The following STXBP4 variants were observed in gnomAD, a reference collection of about 807,000 sequenced individuals.
STXBP4 encodes syntaxin-binding protein 4.
STXBP4 carries 55 observed loss-of-function variants against 76.1 expected under a neutral mutation model. The ratio of observed to expected loss-of-function variants is 0.72; its 90% CI spans 0.58 to 0.91. STXBP4 has a LOEUF of 0.91. Ranked by LOEUF, STXBP4 falls within the 40% of genes least tolerant of loss-of-function variation. The pLI is 0.00. For missense variants in STXBP4, 618 were observed against 636.9 expected (o/e 0.97, Z 0.32); for synonymous variants, 201 against 220.2 (o/e 0.91, Z 0.77).
intron 11 of STXBP4, chr17:55,043,943 G>T: frequency 3.7e-6 from 1 of 270,898 alleles, no homozygotes; most frequent in Non-Finnish European, 6.9e-6. Context: ...CAACCTCCTG[G>T]GTTCAAGTGA....
At chr17:55,107,734 G>A (rs767635014) in intron 16 of STXBP4, among the ~76,000 whole-genome samples, 1 of 152,196 alleles carries the variant, frequency 6.6e-6, no homozygotes, top group African/African-American at 2.4e-5. Flanking sequence ...ATTTGCCTGG[G>A]TATCACCAGC....
chr17:55,052,527 T>A (rs1248610283), intron 12 of STXBP4, among the ~76,000 whole-genome samples: 1 of 152,116 alleles, frequency 6.6e-6, no homozygotes, highest in Non-Finnish European at 1.5e-5. Flanking sequence ...TATATCTATT[T>A]TAATAAAGAC....
intron 16 of STXBP4, among the ~76,000 whole-genome samples, chr17:55,122,430 AG>A (rs1401663389): frequency 1.3e-5 from 2 of 152,258 alleles, no homozygotes; most frequent in African/African-American, 2.4e-5. Flanking sequence ...GAAGCTCACA[AG>A]GCAGATGAAA....
At chr17:55,152,092 G>A (rs1287545431) in intron 17 of STXBP4, among the ~76,000 whole-genome samples, 3 of 152,154 alleles carry the variant, frequency 2.0e-5, no homozygotes, top group African/African-American at 7.2e-5. Context: ...CAAGTCGGAA[G>A]ATTGTTTTGT....
At chr17:55,154,429 A>C (rs2080254487) in intron 17 of STXBP4, among the ~76,000 whole-genome samples, 1 of 152,184 alleles carries the variant, frequency 6.6e-6, no homozygotes, top group Non-Finnish European at 1.5e-5. Context: ...GTATATGAAA[A>C]AGTACAAATA....
intron 17 of STXBP4, among the ~76,000 whole-genome samples, chr17:55,150,354 A>G (rs780382372): frequency 1.3e-5 from 2 of 152,154 alleles, no homozygotes; most frequent in Non-Finnish European, 2.9e-5. Flanking sequence ...CTCTTTGTAC[A>G]CAGAGAGAGA....
intron 8 of STXBP4, among the ~76,000 whole-genome samples, chr17:55,015,306 C>T (rs2078186209): frequency 1.3e-5 from 2 of 152,104 alleles, no homozygotes; most frequent in South Asian, 4.1e-4. Context: ...ATTCTGTGTC[C>T]CAATGAGGGT....
chr17:55,027,263 C>T (rs1356935147), intron 8 of STXBP4, among the ~76,000 whole-genome samples: 2 of 152,142 alleles, frequency 1.3e-5, no homozygotes, highest in Non-Finnish European at 2.9e-5. Context: ...CTGACTTTGC[C>T]CCTCCACCCA....
intron 16 of STXBP4, among the ~76,000 whole-genome samples, chr17:55,123,134 G>C (rs867160502): frequency 1.6e-4 from 24 of 152,100 alleles, no homozygotes; most frequent in Admixed American, 3.3e-4. Flanking sequence ...GATTTGCCCA[G>C]AGAACCCCAA....
chr17:55,024,487 G>A (rs1244334104), intron 8 of STXBP4, among the ~76,000 whole-genome samples: 1 of 152,210 alleles, frequency 6.6e-6, no homozygotes. Context: ...TGGAGGCTTT[G>A]ACAGCTGGGG....
At chr17:55,033,861 A>G (rs1260056194) in intron 9 of STXBP4, among the ~76,000 whole-genome samples, 3 of 152,196 alleles carry the variant, frequency 2.0e-5, no homozygotes, top group African/African-American at 7.2e-5. Context: ...ATAAATCATA[A>G]TATTGTCAAA....
chr17:55,148,010 T>G (rs2080175829), intron 17 of STXBP4, among the ~76,000 whole-genome samples: 1 of 152,156 alleles, frequency 6.6e-6, no homozygotes, highest in Non-Finnish European at 1.5e-5. Flanking sequence ...ATGCAACTAT[T>G]AGGTTGGAAT....
intron 1 of STXBP4, among the ~76,000 whole-genome samples, chr17:54,984,508 AT>A (rs2077598146): frequency 1.3e-5 from 2 of 150,850 alleles, no homozygotes; most frequent in African/African-American, 4.9e-5. Context: ...CGCCCGGCTA[AT>A]TTTTTTTGTA....
intron 16 of STXBP4, among the ~76,000 whole-genome samples, chr17:55,094,631 CA>C (rs1233175458): frequency 6.6e-6 from 1 of 152,194 alleles, no homozygotes; most frequent in African/African-American, 2.4e-5. Flanking sequence ...TCCGGTAGCA[CA>C]GACAGATCTG....
At chr17:54,990,191 C>G (rs530547756) in intron 3 of STXBP4, among the ~76,000 whole-genome samples, 2 of 152,290 alleles carry the variant, frequency 1.3e-5, no homozygotes, top group East Asian at 3.9e-4. Context: ...TTAAAAATGT[C>G]ACTGCTAGTA....
chr17:55,066,192 TTTG>T (rs1208896681), intron 12 of STXBP4, among the ~76,000 whole-genome samples: 3 of 145,634 alleles, frequency 2.1e-5, no homozygotes, highest in Non-Finnish European at 4.5e-5. Flanking sequence ...AATTGTGGGT[TTTG>T]TTGTTTTGTT....
intron 8 of STXBP4, among the ~76,000 whole-genome samples, chr17:55,019,487 T>C (rs2078266307): frequency 6.6e-6 from 1 of 152,188 alleles, no homozygotes; most frequent in Admixed American, 6.5e-5. Flanking sequence ...AATATTTTAG[T>C]TTTGGCGTAT....
chr17:55,131,116 C>T (rs2145122314), intron 16 of STXBP4, among the ~76,000 whole-genome samples: 1 of 152,330 alleles, frequency 6.6e-6, no homozygotes, highest in East Asian at 1.9e-4. Flanking sequence ...AATGGATGTA[C>T]TAATTTACAT....
chr17:55,154,176 C>T (rs564206426), intron 17 of STXBP4, among the ~76,000 whole-genome samples: 2 of 152,264 alleles, frequency 1.3e-5, no homozygotes, highest in South Asian at 4.1e-4. Context: ...CCTCAGAGTC[C>T]TCTACATTCG....
Sources: gnomAD v4.1 joint callset for allele counts (sites outside exome capture counted in the v4.1 genomes callset) on GRCh38, gnomAD v4.1.1 for gene constraint, MANE v1.5 for transcripts, NCBI Gene and HGNC (gene_info 2026-07-23, HGNC 2026-07-21) for gene names.